Variants in HDX observed in about 807,000 individuals in gnomAD.
The protein encoded by HDX is chromosome X open reading frame 43.
Under a neutral mutation model 45.2 loss-of-function variants are expected in HDX, and 19 were observed. The observed-to-expected ratio is 0.42, with a 90% CI of 0.29 to 0.62. The LOEUF is 0.62. HDX is among the 20% of genes least tolerant of loss of function. The pLI is 0.20. For missense variants in HDX, 532 were observed against 493.9 expected (o/e 1.08, Z -0.73); for synonymous variants, 188 against 172.8 (o/e 1.09, Z -0.69).
At chrX:84,367,893 T>A (rs987167042) in intron 5 of HDX, among the ~76,000 whole-genome samples, 7 of 111,722 alleles carry the variant, frequency 6.3e-5, no homozygotes, top group Non-Finnish European at 1.3e-4. Context: ...GAAAAATACC[T>A]AATGTAGATG....
intron 4 of HDX, among the ~76,000 whole-genome samples, chrX:84,455,807 A>C (rs1219886585): frequency 8.9e-6 from 1 of 112,459 alleles, no homozygotes; most frequent in Non-Finnish European, 1.9e-5. Context: ...AGGATAAAAA[A>C]GAATCCTAAA....
At chrX:84,367,744 C>T (rs12556463) in intron 5 of HDX, among the ~76,000 whole-genome samples, 10 of 111,169 alleles carry the variant, frequency 9.0e-5, no homozygotes, top group Non-Finnish European at 1.7e-4. Flanking sequence ...TGCAAACTAA[C>T]GCAGGAACAG....
intron 8 of HDX, among the ~76,000 whole-genome samples, chrX:84,334,232 C>T (rs1263117538): frequency 9.0e-6 from 1 of 110,859 alleles, no homozygotes; most frequent in Non-Finnish European, 1.9e-5. Context: ...TTCCACATGC[C>T]TCTTTGTGAC....
At chrX:84,430,901 T>TGTG (rs1210721990) in intron 5 of HDX, among the ~76,000 whole-genome samples, 1 of 110,277 alleles carries the variant, frequency 9.1e-6, no homozygotes, top group Non-Finnish European at 1.9e-5. Flanking sequence ...TAAGAATACG[T>TGTG]GTGCACATTT....
chrX:84,325,157 T>A (rs141603043), intron 10 of HDX, among the ~76,000 whole-genome samples: 2 of 110,691 alleles, frequency 1.8e-5, no homozygotes, highest in East Asian at 5.7e-4. Flanking sequence ...TAGTTTCAAT[T>A]TTGTGGTTCA....
At chrX:84,336,590 T>C (rs1254461705) in intron 8 of HDX, among the ~76,000 whole-genome samples, 4 of 111,507 alleles carry the variant, frequency 3.6e-5, no homozygotes, top group Non-Finnish European at 3.8e-5. Flanking sequence ...TTTGCACATC[T>C]CCTCAATCAA....
intron 6 of HDX, among the ~76,000 whole-genome samples, chrX:84,356,254 C>A (rs989070071): frequency 8.1e-5 from 9 of 111,634 alleles, no homozygotes; most frequent in Non-Finnish European, 1.7e-4. Flanking sequence ...CAAACATATT[C>A]TCCCTTAGAG....
intron 5 of HDX, among the ~76,000 whole-genome samples, chrX:84,401,910 T>C: frequency 8.9e-6 from 1 of 111,882 alleles, no homozygotes; most frequent in Non-Finnish European, 1.9e-5. Context: ...TGGATGAAGC[T>C]GGAAGCCATC....
chrX:84,332,643 G>A (rs1043946402), intron 9 of HDX, among the ~76,000 whole-genome samples: 2 of 111,156 alleles, frequency 1.8e-5, no homozygotes, highest in Non-Finnish European at 3.8e-5. Context: ...CCTGTGCCAA[G>A]CTGTGGCATG....
chrX:84,365,695 G>T (rs897584511), intron 5 of HDX, among the ~76,000 whole-genome samples: 1 of 111,624 alleles, frequency 9.0e-6, no homozygotes, highest in African/African-American at 3.3e-5. Context: ...CCCATTCGAG[G>T]GTCTCCCAGT....
chrX:84,470,908 T>G (rs148556864), intron 3 of HDX, among the ~76,000 whole-genome samples: 1,540 of 111,546 alleles, frequency 0.014, 37 homozygotes, highest in African/African-American at 0.049. Flanking sequence ...TAACTCCAGC[T>G]CTTTGGGAAG....
intron 1 of HDX, among the ~76,000 whole-genome samples, chrX:84,491,567 T>A (rs1049377226): frequency 1.8e-5 from 2 of 111,917 alleles, no homozygotes; most frequent in African/African-American, 6.5e-5. Flanking sequence ...TCCTATTTCT[T>A]TGCATGCTTG....
intron 8 of HDX, among the ~76,000 whole-genome samples, chrX:84,334,060 A>G (rs2036902370): frequency 9.0e-6 from 1 of 111,212 alleles, no homozygotes; most frequent in Admixed American, 9.6e-5. Context: ...AAAAAAATTA[A>G]TACTATTTAA....
chrX:84,337,210 T>C (rs1291570112), intron 7 of HDX, among the ~76,000 whole-genome samples: 1 of 110,565 alleles, frequency 9.0e-6, no homozygotes, highest in Non-Finnish European at 1.9e-5. Flanking sequence ...AGAAGAACAG[T>C]AGTTATAAGG....
chrX:84,406,708 A>G (rs752680722), intron 5 of HDX, among the ~76,000 whole-genome samples: 48 of 111,213 alleles, frequency 4.3e-4, no homozygotes, highest in Non-Finnish European at 7.2e-4. Context: ...ATTCTGTTGC[A>G]CTATTATGCT....
chrX:84,334,947 AAC>A (rs906380843), intron 8 of HDX, among the ~76,000 whole-genome samples: 2 of 110,836 alleles, frequency 1.8e-5, no homozygotes, highest in Non-Finnish European at 3.8e-5. Context: ...TACATATATG[AAC>A]ACACATACAT....
At chrX:84,461,545 C>T (rs1414404272) in intron 4 of HDX, among the ~76,000 whole-genome samples, 1 of 110,758 alleles carries the variant, frequency 9.0e-6, no homozygotes, top group Non-Finnish European at 1.9e-5. Flanking sequence ...AATCTAAGAC[C>T]AGAAACTATG....
intron 9 of HDX, among the ~76,000 whole-genome samples, chrX:84,328,366 T>C (rs1458722362): frequency 9.0e-6 from 1 of 110,570 alleles, no homozygotes; most frequent in African/African-American, 3.3e-5. Context: ...TGAGACCCTA[T>C]GTCAACAAAC....
intron 5 of HDX, among the ~76,000 whole-genome samples, chrX:84,379,700 A>G (rs1427057852): frequency 1.8e-5 from 2 of 111,140 alleles, no homozygotes; most frequent in African/African-American, 3.3e-5. Context: ...GAAACAAAAC[A>G]TACCAAAACC....
Sources: gnomAD v4.1 joint callset for allele counts (sites outside exome capture counted in the v4.1 genomes callset) on GRCh38, gnomAD v4.1.1 for gene constraint, MANE v1.5 for transcripts, NCBI Gene and HGNC (gene_info 2026-07-23, HGNC 2026-07-21) for gene names.